The following SHISA9 variants were observed in gnomAD, a reference collection of about 807,000 sequenced individuals.
SHISA9 encodes the protein shisa family member 9.
SHISA9 carries 13 observed loss-of-function variants against 38.0 expected under a neutral mutation model. The observed-to-expected ratio is 0.34, with a 90% CI of 0.22 to 0.54. The LOEUF (loss-of-function observed/expected upper bound fraction) is 0.54, where lower values mean the gene tolerates loss of function less well. Ranked by LOEUF, SHISA9 falls within the 20% of genes least tolerant of loss-of-function variation. The pLI, the probability that SHISA9 is intolerant of heterozygous loss-of-function variation, is 0.91. For missense variants in SHISA9, 538 were observed against 575.8 expected (o/e 0.93, Z 0.67); for synonymous variants, 275 against 242.0 (o/e 1.14, Z -1.27).
intron 2 of SHISA9, among the ~76,000 whole-genome samples, chr16:13,031,719 G>A (rs1228778000): frequency 6.6e-6 from 1 of 152,176 alleles, no homozygotes; most frequent in Non-Finnish European, 1.5e-5. Context: ...GTTAAGGCTA[G>A]GCTCATATGA....
At chr16:13,555,931 T>C in the SHISA9 span, among the ~76,000 whole-genome samples, 1 of 152,244 alleles carries the variant, frequency 6.6e-6, no homozygotes, top group Non-Finnish European at 1.5e-5. Flanking sequence ...CAGATCTTAC[T>C]CTATATGCTC....
chr16:13,391,499 G>A, the SHISA9 span, among the ~76,000 whole-genome samples: 1 of 152,174 alleles, frequency 6.6e-6, no homozygotes, highest in Non-Finnish European at 1.5e-5. Context: ...AGTCCCCAAC[G>A]AATCTATGCC....
intron 2 of SHISA9, among the ~76,000 whole-genome samples, chr16:13,029,209 C>G (rs79704612): frequency 0.039 from 5,946 of 152,244 alleles, 202 homozygotes; most frequent in South Asian, 0.15. Context: ...CAGCACTGTT[C>G]ACAATAGCCA....
chr16:13,406,783 C>T, the SHISA9 span, among the ~76,000 whole-genome samples: 2 of 151,962 alleles, frequency 1.3e-5, no homozygotes, highest in African/African-American at 4.8e-5. Flanking sequence ...AAAAGGAGAC[C>T]ACAGGTCGGG....
At chr16:13,037,307 A>G (rs2141884213) in intron 2 of SHISA9, among the ~76,000 whole-genome samples, 1 of 152,196 alleles carries the variant, frequency 6.6e-6, no homozygotes, top group East Asian at 1.9e-4. Context: ...ACATTTTCCC[A>G]AGCCTCTGGC....
the SHISA9 span, among the ~76,000 whole-genome samples, chr16:13,355,477 A>C: frequency 1.3e-5 from 2 of 152,054 alleles, no homozygotes; most frequent in Admixed American, 1.3e-4. Context: ...GGCGGCAATG[A>C]GATATAGCTG....
At chr16:13,062,276 G>A (rs1160883935) in intron 2 of SHISA9, among the ~76,000 whole-genome samples, 1 of 152,140 alleles carries the variant, frequency 6.6e-6, no homozygotes. Context: ...AACCCTGGCT[G>A]TAGTGATCAC....
intron 1 of SHISA9, among the ~76,000 whole-genome samples, chr16:12,916,011 GTTTTTTTTT>G (rs34050190): frequency 5.5e-5 from 5 of 90,432 alleles, no homozygotes; most frequent in African/African-American, 1.7e-4. Context: ...GTGTGTGTGT[GTTTTTTTTT>G]TTTTTTTTTT....
intron 4 of SHISA9, among the ~76,000 whole-genome samples, chr16:13,231,951 T>G (rs1252064769): frequency 6.6e-6 from 1 of 152,222 alleles, no homozygotes; most frequent in Non-Finnish European, 1.5e-5. Context: ...GTTTCCTTAT[T>G]TGTCAAGCGG....
At chr16:12,966,342 C>G (rs1454089067) in intron 2 of SHISA9, among the ~76,000 whole-genome samples, 1 of 70,606 alleles carries the variant, frequency 1.4e-5, no homozygotes, top group East Asian at 3.4e-4. Context: ...AGAGTTTCCT[C>G]CCTTCTCAAA....
intron 1 of SHISA9, 124 bp from the exon 2 acceptor site, chr16:12,916,564 A>G (rs945767027): frequency 1.7e-6 from 2 of 1,176,174 alleles, no homozygotes; most frequent in South Asian, 1.7e-5. Context: ...TCCACCCCTA[A>G]CTAGAATGGT....
At chr16:13,337,485 G>A in the SHISA9 span, among the ~76,000 whole-genome samples, 1 of 152,060 alleles carries the variant, frequency 6.6e-6, no homozygotes, top group South Asian at 2.1e-4. Flanking sequence ...CCAGTCTCTG[G>A]TAATGTCTTT....
intron 2 of SHISA9, among the ~76,000 whole-genome samples, chr16:13,108,247 C>T (rs148358105): frequency 2.6e-5 from 4 of 152,046 alleles, no homozygotes; most frequent in African/African-American, 7.2e-5. Flanking sequence ...TCCTACCTCA[C>T]CTTTTCGAGT....
chr16:13,370,896 C>T, the SHISA9 span, among the ~76,000 whole-genome samples: 8 of 152,142 alleles, frequency 5.3e-5, no homozygotes, highest in Non-Finnish European at 7.4e-5. Context: ...CTTATGAGCA[C>T]TTGCTGGGCA....
At chr16:13,532,074 T>C in the SHISA9 span, among the ~76,000 whole-genome samples, 82,941 of 152,054 alleles carry the variant, frequency 0.55, 22,836 homozygotes, top group East Asian at 0.64. Context: ...CCTTCCAGGG[T>C]TTCATTTCAT....
the SHISA9 span, among the ~76,000 whole-genome samples, chr16:13,295,923 A>T: frequency 4.9e-4 from 75 of 152,334 alleles, no homozygotes; most frequent in African/African-American, 1.6e-3. Context: ...GCCCAAAGTC[A>T]TAAGGCAAGT....
At chr16:13,083,766 C>T (rs918016587) in intron 2 of SHISA9, among the ~76,000 whole-genome samples, 1 of 152,092 alleles carries the variant, frequency 6.6e-6, no homozygotes, top group Non-Finnish European at 1.5e-5. Context: ...CAAGGTAGCT[C>T]CCATTCAGCT....
chr16:13,494,194 C>T, the SHISA9 span, among the ~76,000 whole-genome samples: 1 of 152,192 alleles, frequency 6.6e-6, no homozygotes, highest in Non-Finnish European at 1.5e-5. Context: ...TGAATAAATT[C>T]CCTTTGTATC....
At chr16:13,150,769 T>C (rs2050492292) in intron 2 of SHISA9, among the ~76,000 whole-genome samples, 1 of 152,202 alleles carries the variant, frequency 6.6e-6, no homozygotes, top group East Asian at 1.9e-4. Flanking sequence ...GCCATGTGCA[T>C]ATATTAACCC....
Sources: gnomAD v4.1 joint callset for allele counts (sites outside exome capture counted in the v4.1 genomes callset) on GRCh38, gnomAD v4.1.1 for gene constraint, MANE v1.5 for transcripts, NCBI Gene and HGNC (gene_info 2026-07-23, HGNC 2026-07-21) for gene names.